The following PTAFR variants were observed in gnomAD, a reference collection of about 807,000 sequenced individuals.
PTAFR encodes the protein platelet activating factor receptor.
Under a neutral mutation model 14.7 loss-of-function variants are expected in PTAFR, and 8 were observed. The observed-to-expected ratio is 0.54, with a 90% CI of 0.32 to 0.98. The LOEUF (loss-of-function observed/expected upper bound fraction) is 0.98, where lower values mean the gene tolerates loss of function less well. PTAFR is among the 50% of genes least tolerant of loss of function. PTAFR has a pLI of 0.04. For missense variants in PTAFR, 337 were observed against 451.2 expected, an observed-to-expected ratio of 0.75 and a Z score of 2.29; for synonymous variants, 156 against 176.5, an observed-to-expected ratio of 0.88 and a Z score of 0.92.
intron 1 of PTAFR, among the ~76,000 whole-genome samples, chr1:28,157,213 T>A (rs1284683032): frequency 9.9e-5 from 15 of 151,940 alleles, no homozygotes; most frequent in African/African-American, 2.4e-5. Context: ...AATCTTGGCT[T>A]ACTGCAACCT....
chr1:28,164,370 G>A (rs1444199026), intron 1 of PTAFR, among the ~76,000 whole-genome samples: 1 of 152,216 alleles, frequency 6.6e-6, no homozygotes, highest in Non-Finnish European at 1.5e-5. Flanking sequence ...GCCTGAGGGT[G>A]CATTCACCAA....
chr1:28,191,486 C>T (rs1404063526), intron 1 of PTAFR, among the ~76,000 whole-genome samples: 6 of 152,090 alleles, frequency 3.9e-5, no homozygotes, highest in South Asian at 2.1e-4. Context: ...GTAGTCCAAG[C>T]GTTTTGGGAG....
chr1:28,160,254 A>C (rs1240014780), intron 1 of PTAFR, among the ~76,000 whole-genome samples: 1 of 151,664 alleles, frequency 6.6e-6, no homozygotes, highest in Non-Finnish European at 1.5e-5. Flanking sequence ...AAAAAAAGAC[A>C]TTTGGGAAAA....
chr1:28,191,419 G>T (rs1646651032), intron 1 of PTAFR, among the ~76,000 whole-genome samples: 1 of 152,232 alleles, frequency 6.6e-6, no homozygotes, highest in South Asian at 2.1e-4. Flanking sequence ...TAACTGTCAT[G>T]AGTCTAACTC....
chr1:28,191,253 G>A (rs1341727215), intron 1 of PTAFR, among the ~76,000 whole-genome samples: 1 of 152,242 alleles, frequency 6.6e-6, no homozygotes, highest in East Asian at 1.9e-4. Context: ...TCAAAGGCAG[G>A]GAGGTCCCTA....
chr1:28,157,087 T>C (rs893585637), intron 1 of PTAFR, among the ~76,000 whole-genome samples: 14 of 152,206 alleles, frequency 9.2e-5, no homozygotes, highest in African/African-American at 3.1e-4. Flanking sequence ...ATTCACTGGT[T>C]GCAAAATTTA....
intron 1 of PTAFR, among the ~76,000 whole-genome samples, chr1:28,153,638 C>A (rs1051392403): frequency 7.3e-5 from 11 of 151,548 alleles, no homozygotes; most frequent in Admixed American, 7.2e-4. Flanking sequence ...ACCTGTAATC[C>A]CAGCACTTTG....
chr1:28,153,305 G>A (rs1646217161), intron 1 of PTAFR, among the ~76,000 whole-genome samples: 1 of 152,146 alleles, frequency 6.6e-6, no homozygotes, highest in Admixed American at 6.5e-5. Context: ...CACTATTGCT[G>A]TCATTGCAAG....
chr1:28,165,860 G>T (rs896472903), intron 1 of PTAFR, among the ~76,000 whole-genome samples: 20 of 152,046 alleles, frequency 1.3e-4, no homozygotes, highest in African/African-American at 4.6e-4. Context: ...TGGATTGGAA[G>T]ACTTAATATT....
chr1:28,149,935 C>T lies in PTAFR; in HGVS notation c.*58G>A. 2.6e-6 allele frequency: 4 copies of T among 1,549,832 alleles called. No homozygotes were observed. The highest frequency in any genetic ancestry group is 2.6e-6 in the Non-Finnish European group (3 of 1,144,650). On this transcript the variant is annotated 3_prime_UTR_variant, in exon 2 of 2. Coordinates refer to ENST00000373857, the MANE Select transcript of PTAFR (RefSeq NM_000952.5). Reference sequence around the variant, plus strand: ...CAGACCACAGTAGATATCCCTTCTTCCCCCAGCTCAGTCCATGATGTTCAT... The same window carrying T: ...CAGACCACAGTAGATATCCCTTCTTTCCCCAGCTCAGTCCATGATGTTCAT...
intron 1 of PTAFR, among the ~76,000 whole-genome samples, chr1:28,151,599 G>A (rs1646188424): frequency 6.6e-6 from 1 of 152,002 alleles, no homozygotes; most frequent in South Asian, 2.1e-4. Context: ...GGTCAAGGCT[G>A]AAGTGAGCTG....
At chr1:28,181,100 C>T (rs192900724), upstream of PTAFR, among the ~76,000 whole-genome samples, 20 of 152,220 alleles carry the variant, frequency 1.3e-4, no homozygotes, top group African/African-American at 3.9e-4. Context: ...CGCCCTCCTC[C>T]GCCTTCCAAA....
rs367984511 is a variant in PTAFR at position 28,157,730 on chromosome 1, G to A, written c.-38-6671C>T. On this transcript the variant is annotated intron_variant, in intron 1 of 1. Coordinates refer to ENST00000373857, the MANE Select transcript of PTAFR (RefSeq NM_000952.5). The stretch of plus-strand genomic sequence containing the variant: ...TGCAAGCTCCGCCTCCTGGGTTCAC[G>A]CCATTCTCCTGCCTCAGCCTCCCGA... Among the ~76,000 whole-genome samples the A allele has an allele frequency of 2.7e-3, 408 of 150,610 alleles. 3 individuals are homozygous for A. Among genetic ancestry groups the A allele is most frequent in the African/African-American group, 9.3e-3 (380 of 40,922 alleles).
intron 1 of PTAFR, among the ~76,000 whole-genome samples, chr1:28,191,604 G>A (rs1646653088): frequency 6.6e-6 from 1 of 152,020 alleles, no homozygotes; most frequent in East Asian, 1.9e-4. Flanking sequence ...GAGAGAGAGA[G>A]AGAGAGAGAG....
chr1:28,186,830 C>T (rs1646611053), intron 1 of PTAFR, among the ~76,000 whole-genome samples: 1 of 152,156 alleles, frequency 6.6e-6, no homozygotes. Flanking sequence ...GAGGCTGAGG[C>T]AGTAGGATCG....
rs1274881125 is a variant in PTAFR at position 28,150,368 on chromosome 1, C to T, written c.654G>A (p.Val218=). Residue 218 remains valine (V), a synonymous_variant, in exon 2 of 2, where the codon GTG becomes GTA. Transcript: ENST00000373857. The surrounding 1 kb of genome is among the most constrained non-coding windows in gnomAD (Gnocchi z 6.3). The part of the protein sequence containing the change: ...VIIRTLLMQP[V]QQQRNAEVKR... ...TGACTTCAGCGTTGCGCTGCTGCTG[C>T]ACCGGCTGCATGAGCAAGGTACGGA... The T allele has an allele frequency of 5.6e-6, 9 of 1,613,894 alleles. No homozygotes were observed. The highest frequency in any genetic ancestry group is 7.6e-6 in the Non-Finnish European group (9 of 1,179,940).
At chr1:28,186,999 C>A (rs759203199) in intron 1 of PTAFR, among the ~76,000 whole-genome samples, 2 of 152,168 alleles carry the variant, frequency 1.3e-5, no homozygotes, top group Admixed American at 6.6e-5. Context: ...CTATGTTGCA[C>A]AGGCTGGTCT....
chr1:28,151,791 C>G (rs1646192170), intron 1 of PTAFR, among the ~76,000 whole-genome samples: 1 of 152,174 alleles, frequency 6.6e-6, no homozygotes, highest in Non-Finnish European at 1.5e-5. Context: ...ATCTTGGAAG[C>G]AGATAACCAG....
chr1:28,150,866 T>C lies in PTAFR; in HGVS notation c.156A>G (p.Ile52Met). 2 of 1,614,088 alleles carry C rather than the reference T, an allele frequency of 1.2e-6. No individual in the cohort carries two copies. The highest frequency in any genetic ancestry group is 1.1e-5 in the South Asian group (1 of 91,072). The stretch of plus-strand genomic sequence containing the variant: ...TGGTGAGGTTCACCATGAAGATCTT[T>C]ATCTCATTGAATTTCTTGCAAGGGT... ...RLYPCKKFNE[I>M]KIFMVNLTMA... Residue 52 changes from isoleucine to methionine, a missense_variant, in exon 2 of 2, where the codon ATA becomes ATG. Transcript: ENST00000373857. The surrounding 1 kb of genome is among the most constrained non-coding windows in gnomAD (Gnocchi z 6.3).
Sources: allele counts gnomAD v4.1 joint callset (sites outside exome capture counted in the v4.1 genomes callset), GRCh38; gene constraint gnomAD v4.1.1; non-coding constraint Gnocchi (gnomAD v3.1); transcripts MANE v1.5; gene names NCBI Gene and HGNC (gene_info 2026-07-23, HGNC 2026-07-21).